CNTN5: variants seen among roughly 807,000 people sequenced by gnomAD.
CNTN5 encodes the protein contactin-5.
A neutral mutation model predicts 129.1 loss-of-function variants in CNTN5; 77 were observed. The observed-to-expected ratio is 0.60, with a 90% CI of 0.50 to 0.72. The LOEUF (loss-of-function observed/expected upper bound fraction) is 0.72, where lower values mean the gene tolerates loss of function less well. Among genes scored for constraint, CNTN5 ranks in the 30% least tolerant of loss-of-function variants. The pLI, the probability that CNTN5 is intolerant of heterozygous loss-of-function variation, is 0.00. For missense variants in CNTN5, 1,478 were observed against 1,328.8 expected, an observed-to-expected ratio of 1.11 and a Z score of -1.75; for synonymous variants, 509 against 465.6, an observed-to-expected ratio of 1.09 and a Z score of -1.20.
chr11:99,308,858 C>T (rs78797103), intron 1 of CNTN5, among the ~76,000 whole-genome samples: 1 of 151,984 alleles, frequency 6.6e-6, no homozygotes, highest in Non-Finnish European at 1.5e-5. Context: ...CTTCAGTTTG[C>T]ATATTTTTAT....
Position 99,916,075 on chromosome 11 carries a change from G to A in CNTN5, c.599G>A (p.Arg200Gln), listed in dbSNP as rs200160904. 3.5e-5 allele frequency: 56 copies of A among 1,611,664 alleles called. No individual in the cohort carries two copies. The Admixed American group carries it at 3.5e-4, about 10-fold the overall frequency. ...ACAGATCTGGGAAATTTTAGTGGCC[G>A]GACAAGAAGTGCAGTCTCTGTGAGG... is the stretch of plus-strand genomic sequence containing the variant. The part of the protein sequence containing the change: ...QFAYLGNFSG[R>Q]TRSAVSVREG... The change falls in exon 7 of 25, where the codon CGG becomes CAG. Residue 200 changes from arginine to glutamine, a missense_variant. Transcript: ENST00000524871.
chr11:99,170,175 G>C (rs1861077086), intron 1 of CNTN5, among the ~76,000 whole-genome samples: 1 of 152,020 alleles, frequency 6.6e-6, no homozygotes, highest in Admixed American at 6.6e-5. Flanking sequence ...TTATATAGCA[G>C]ATAATATATA....
intron 8 of CNTN5, among the ~76,000 whole-genome samples, chr11:99,999,810 T>C (rs1476648220): frequency 6.6e-6 from 1 of 152,004 alleles, no homozygotes; most frequent in Non-Finnish European, 1.5e-5. Context: ...ATATACACCA[T>C]GGAATACTAC....
At chr11:99,709,663 T>A (rs2134940703) in intron 3 of CNTN5, among the ~76,000 whole-genome samples, 1 of 151,956 alleles carries the variant, frequency 6.6e-6, no homozygotes, top group Admixed American at 6.6e-5. Context: ...AATTAACAGG[T>A]TTTTAATAAG....
chr11:99,262,762 A>G (rs1477247698), intron 1 of CNTN5, among the ~76,000 whole-genome samples: 1 of 151,962 alleles, frequency 6.6e-6, no homozygotes, highest in African/African-American at 2.4e-5. Flanking sequence ...TAAAAACGTT[A>G]AATTGAATTC....
At chr11:99,836,830 C>T (rs562687900) in intron 4 of CNTN5, among the ~76,000 whole-genome samples, 2 of 152,242 alleles carry the variant, frequency 1.3e-5, no homozygotes, top group African/African-American at 4.8e-5. Context: ...TTAATGATTG[C>T]CATTCTAACT....
At chr11:99,688,766 C>A (rs982094720) in intron 3 of CNTN5, among the ~76,000 whole-genome samples, 9 of 152,120 alleles carry the variant, frequency 5.9e-5, no homozygotes, top group Non-Finnish European at 8.8e-5. Context: ...CTCCCCGCCA[C>A]CCTCTGACAG....
intron 15 of CNTN5, among the ~76,000 whole-genome samples, chr11:100,215,545 T>C (rs999940673): frequency 2.6e-5 from 4 of 152,158 alleles, no homozygotes; most frequent in Non-Finnish European, 4.4e-5. Context: ...TATGCAATAG[T>C]GTCATGTTCA....
chr11:99,851,146 A>C (rs202168148), intron 6 of CNTN5, among the ~76,000 whole-genome samples: 3 of 28 alleles, frequency 0.11, no homozygotes, highest in South Asian at 0.5. Flanking sequence ...AAATTCTCCC[A>C]TAAATAAATA....
intron 6 of CNTN5, among the ~76,000 whole-genome samples, chr11:99,906,173 T>C (rs1235636708): frequency 2.6e-5 from 4 of 152,208 alleles, no homozygotes; most frequent in African/African-American, 7.2e-5. Context: ...CAATATCATG[T>C]TGAATAGGAG....
chr11:99,288,024 T>C (rs1230746172), intron 1 of CNTN5, among the ~76,000 whole-genome samples: 1 of 152,022 alleles, frequency 6.6e-6, no homozygotes, highest in African/African-American at 2.4e-5. Context: ...GTATGTTCAG[T>C]GTTTTTGTCA....
chr11:99,389,650 A>T (rs12225385), intron 2 of CNTN5, among the ~76,000 whole-genome samples: 1 of 152,048 alleles, frequency 6.6e-6, no homozygotes, highest in Non-Finnish European at 1.5e-5. Flanking sequence ...ATAAAACTGT[A>T]TTTTAAATCA....
intron 1 of CNTN5, among the ~76,000 whole-genome samples, chr11:99,119,600 G>C (rs765310774): frequency 6.6e-6 from 1 of 151,966 alleles, no homozygotes; most frequent in African/African-American, 2.4e-5. Context: ...ATGAACATAC[G>C]CATACATGTG....
At chr11:99,444,451 C>T (rs759055577) in intron 2 of CNTN5, among the ~76,000 whole-genome samples, 4 of 152,000 alleles carry the variant, frequency 2.6e-5, no homozygotes, top group Admixed American at 6.6e-5. Flanking sequence ...AGCTAAAATG[C>T]CCAATCTCAC....
At chr11:100,336,949 C>T in intron 21 of CNTN5, 1 of 692,556 alleles carries the variant, frequency 1.4e-6, no homozygotes, top group Non-Finnish European at 2.6e-6. Flanking sequence ...TCGCGGGCAC[C>T]TTCTTAGGCA....
At chr11:100,061,142 T>G in intron 9 of CNTN5, 70 bp from the exon 10 acceptor site, 4 of 1,281,994 alleles carry the variant, frequency 3.1e-6, no homozygotes, top group Non-Finnish European at 4.3e-6. Flanking sequence ...GTGCTTAAAT[T>G]ACCAGATAAC....
intron 4 of CNTN5, among the ~76,000 whole-genome samples, chr11:99,834,429 G>A (rs1376034867): frequency 6.6e-6 from 1 of 152,142 alleles, no homozygotes; most frequent in Non-Finnish European, 1.5e-5. Context: ...GGGAGGCTAA[G>A]GTAGAAAGAT....
intron 3 of CNTN5, among the ~76,000 whole-genome samples, chr11:99,692,772 G>C (rs1954093639): frequency 6.6e-6 from 1 of 151,952 alleles, no homozygotes; most frequent in African/African-American, 2.4e-5. Context: ...TGTTCCTATA[G>C]TAAAGGAGAA....
chr11:99,656,023 C>A (rs1174524407), intron 3 of CNTN5, among the ~76,000 whole-genome samples: 2 of 151,594 alleles, frequency 1.3e-5, no homozygotes, highest in Admixed American at 6.6e-5. Flanking sequence ...CCTCTGAATA[C>A]AGGTATGTGT....
Sources: gnomAD v4.1 joint callset for allele counts (sites outside exome capture counted in the v4.1 genomes callset) on GRCh38, gnomAD v4.1.1 for gene constraint, MANE v1.5 for transcripts, NCBI Gene and HGNC (gene_info 2026-07-23, HGNC 2026-07-21) for gene names.